Variants in PRELID2 observed in about 807,000 individuals in gnomAD.
The protein encoded by PRELID2 is PRELI domain containing 2.
Under a neutral mutation model 28.4 loss-of-function variants are expected in PRELID2, and 25 were observed. The ratio of observed to expected loss-of-function variants is 0.88; its 90% CI spans 0.64 to 1.23. The LOEUF is 1.23. Ranked by LOEUF, PRELID2 falls within the 50% of genes most tolerant of loss-of-function variation. The pLI, the probability that PRELID2 is intolerant of heterozygous loss-of-function variation, is 0.00. For synonymous variants in PRELID2, 76 were observed against 71.6 expected (o/e 1.06, Z -0.31); for missense variants, 201 against 214.4 (o/e 0.94, Z 0.39).
At chr5:145,660,721 C>T (rs1053826516) in intron 1 of PRELID2, among the ~76,000 whole-genome samples, 1 of 152,124 alleles carries the variant, frequency 6.6e-6, no homozygotes, top group African/African-American at 2.4e-5. Context: ...CTTTGAACAA[C>T]ATGAATCTTC....
the PRELID2 span, among the ~76,000 whole-genome samples, chr5:145,331,598 CT>C: frequency 1.8e-4 from 27 of 151,874 alleles, no homozygotes; most frequent in African/African-American, 5.6e-4. Context: ...ACAACCCCTC[CT>C]TTTTTTTGCT....
chr5:145,275,866 G>T, the PRELID2 span, among the ~76,000 whole-genome samples: 2 of 152,104 alleles, frequency 1.3e-5, no homozygotes, highest in African/African-American at 2.4e-5. Context: ...TAATCTCTCT[G>T]TGTATCATCA....
chr5:145,456,341 G>A, the PRELID2 span, among the ~76,000 whole-genome samples: 1 of 152,166 alleles, frequency 6.6e-6, no homozygotes, highest in African/African-American at 2.4e-5. Flanking sequence ...ACTATTTTGT[G>A]TAGCGACGCC....
rs981962150 is a variant in PRELID2, at chr5:145,511,180, C to A, written n.71-37865G>T. On this transcript the variant is annotated intron_variant and non_coding_transcript_variant, in intron 1 of 2. Transcript: ENST00000510259. The stretch of plus-strand genomic sequence containing the variant: ...ACCACAGTGCCTGTCTTCATAGGAA[C>A]ACAGGAAGCTATTTTTTCATCTGCT... 1.1e-4 allele frequency among the ~76,000 whole-genome samples: 17 copies of A among 152,290 alleles called. No homozygotes were observed. In the South Asian group the frequency reaches 1.5e-3, roughly 13 times the overall value.
At chr5:145,546,149 C>G (rs137944136) in intron 1 of PRELID2, among the ~76,000 whole-genome samples, 130 of 152,176 alleles carry the variant, frequency 8.5e-4, no homozygotes, top group African/African-American at 2.9e-3. Flanking sequence ...ACATTATTAT[C>G]ATTATATTTA....
chr5:145,450,299 A>C, the PRELID2 span, among the ~76,000 whole-genome samples: 3 of 152,164 alleles, frequency 2.0e-5, no homozygotes, highest in African/African-American at 7.2e-5. Flanking sequence ...AAGAAGTTAC[A>C]ATCCTGTTGT....
chr5:145,710,092 C>G (rs1489890928), intron 1 of PRELID2, among the ~76,000 whole-genome samples: 1 of 152,080 alleles, frequency 6.6e-6, no homozygotes, highest in African/African-American at 2.4e-5. Flanking sequence ...GATTTCTAAT[C>G]CAAAGGAACT....
chr5:145,392,545 G>T, the PRELID2 span, among the ~76,000 whole-genome samples: 2 of 152,110 alleles, frequency 1.3e-5, no homozygotes, highest in African/African-American at 4.8e-5. Context: ...AGTAAAAAGG[G>T]CATTTAAGTA....
At chr5:145,240,516 A>G in the PRELID2 span, among the ~76,000 whole-genome samples, 1 of 152,048 alleles carries the variant, frequency 6.6e-6, no homozygotes, top group African/African-American at 2.4e-5. Context: ...TAGTAGTTAC[A>G]AAATAATCCA....
the PRELID2 span, among the ~76,000 whole-genome samples, chr5:145,463,699 T>G: frequency 6.6e-6 from 1 of 152,128 alleles, no homozygotes; most frequent in Admixed American, 6.5e-5. Flanking sequence ...GCCAGAAGCC[T>G]ACAGGGGCCT....
At chr5:145,324,575 C>T in the PRELID2 span, among the ~76,000 whole-genome samples, 1 of 152,038 alleles carries the variant, frequency 6.6e-6, no homozygotes, top group Non-Finnish European at 1.5e-5. Context: ...TAATTCTTGC[C>T]AAATAAGTCT....
At chr5:145,328,965 A>T in the PRELID2 span, among the ~76,000 whole-genome samples, 1 of 152,178 alleles carries the variant, frequency 6.6e-6, no homozygotes, top group Non-Finnish European at 1.5e-5. Flanking sequence ...AGGTGTAAGG[A>T]AGGGGACCAG....
At chr5:145,718,457 TTAA>T (rs1755899928) in intron 1 of PRELID2, among the ~76,000 whole-genome samples, 2 of 151,938 alleles carry the variant, frequency 1.3e-5, no homozygotes, top group Middle Eastern at 3.4e-3. Context: ...TTGAATAAAA[TTAA>T]TAATAATTTT....
chr5:145,805,977 G>A (rs1753476317), intron 4 of PRELID2, among the ~76,000 whole-genome samples: 1 of 152,190 alleles, frequency 6.6e-6, no homozygotes, highest in Non-Finnish European at 1.5e-5. Context: ...CACTTACCAT[G>A]AATGATGGAG....
intron 4 of PRELID2, among the ~76,000 whole-genome samples, chr5:145,805,610 AAGG>A (rs1273640052): frequency 2.6e-5 from 4 of 152,192 alleles, no homozygotes; most frequent in Non-Finnish European, 4.4e-5. Flanking sequence ...CTCAAAGGAA[AAGG>A]AGGATGAAAA....
chr5:145,324,251 C>T, the PRELID2 span, among the ~76,000 whole-genome samples: 2 of 152,008 alleles, frequency 1.3e-5, no homozygotes, highest in Non-Finnish European at 2.9e-5. Flanking sequence ...GGAAAGAATC[C>T]CATCCCTTTC....
downstream of PRELID2, among the ~76,000 whole-genome samples, chr5:145,468,183 G>T (rs6580375): frequency 3.9e-5 from 6 of 151,924 alleles, no homozygotes; most frequent in African/African-American, 1.2e-4. Context: ...TTTTTGTCCT[G>T]GCGATAGTTT....
chr5:145,556,012 T>C lies in PRELID2; in HGVS notation n.71-82697A>G, dbSNP rs149387953. 9.0e-3 allele frequency among the ~76,000 whole-genome samples: 1,374 copies of C among 151,936 alleles called. 8 individuals carry two copies. Among genetic ancestry groups the C allele is most frequent in the African/African-American group, 0.012 (518 of 41,468 alleles). On this transcript the variant is annotated intron_variant and non_coding_transcript_variant, in intron 1 of 2. Coordinates refer to the PRELID2 transcript ENST00000510259. ...GGGCAACACAGTGAAACCCCGTCTC[T>C]ACTAAAATACAAAAAATTAGCCAGG... is the stretch of plus-strand genomic sequence containing the variant.
chr5:145,778,517 C>A (rs1758562502), intron 5 of PRELID2, among the ~76,000 whole-genome samples: 1 of 152,198 alleles, frequency 6.6e-6, no homozygotes, highest in South Asian at 2.1e-4. Context: ...GATCACAGAA[C>A]AAGAACTCAG....
Sources: gnomAD v4.1 joint callset for allele counts (sites outside exome capture counted in the v4.1 genomes callset) on GRCh38, gnomAD v4.1.1 for gene constraint, MANE v1.5 for transcripts, NCBI Gene and HGNC (gene_info 2026-07-23, HGNC 2026-07-21) for gene names.